The following STXBP5L variants were observed in gnomAD, a reference collection of about 807,000 sequenced individuals.
STXBP5L encodes the protein syntaxin binding protein 5L.
STXBP5L carries 65 observed loss-of-function variants against 144.5 expected under a neutral mutation model. The ratio of observed to expected loss-of-function variants is 0.45; its 90% CI spans 0.37 to 0.55. The LOEUF is 0.55. STXBP5L is among the 20% of genes least tolerant of loss of function. STXBP5L has a pLI of 0.00. For missense variants in STXBP5L, 1,298 were observed against 1,405.5 expected, an observed-to-expected ratio of 0.92 and a Z score of 1.22; for synonymous variants, 505 against 469.6, an observed-to-expected ratio of 1.08 and a Z score of -0.97.
At chr3:121,069,303 T>C (rs1276132856) in intron 5 of STXBP5L, among the ~76,000 whole-genome samples, 1 of 152,216 alleles carries the variant, frequency 6.6e-6, no homozygotes, top group African/African-American at 2.4e-5. Context: ...TCCTGGAGAT[T>C]CATTCAAGTT....
At position 121,055,618 on chromosome 3, in the gene STXBP5L, C is replaced by G. The variant is rs1948400419; in HGVS notation, c.470+10083C>G. On this transcript the variant is annotated intron_variant, in intron 5 of 26. Transcript: ENST00000471454. Reference sequence around the variant, plus strand: ...CTCAAACTCCTGGGCTCAAGCAATCCTCCCGCCTCAGCCTCCTTAGTGCTG... The same window carrying G: ...CTCAAACTCCTGGGCTCAAGCAATCGTCCCGCCTCAGCCTCCTTAGTGCTG... 2.0e-5 allele frequency among the ~76,000 whole-genome samples: 3 copies of G among 152,070 alleles called. No homozygotes were observed. The South Asian group carries it at 6.2e-4, about 32-fold the overall frequency.
chr3:121,305,984 C>G (rs1284674283), intron 19 of STXBP5L, among the ~76,000 whole-genome samples: 2 of 151,990 alleles, frequency 1.3e-5, no homozygotes, highest in East Asian at 3.9e-4. Flanking sequence ...TAAATAACAG[C>G]AAACAATTTG....
rs137996664 is a variant in STXBP5L, at chr3:121,110,457, A to G, written c.471-4468A>G. On this transcript the variant is annotated intron_variant, in intron 5 of 26. Coordinates refer to ENST00000471454, the MANE Select transcript of STXBP5L (RefSeq NM_001308330.2). The stretch of plus-strand genomic sequence containing the variant: ...ATTCTCTCAGCATTTGCTTGTCTGA[A>G]AAGGATTTTATTTCTCCTTCACTTA... 1.2e-4 allele frequency among the ~76,000 whole-genome samples: 18 copies of G among 152,266 alleles called. No individual in the cohort carries two copies. In the East Asian group the frequency reaches 2.1e-3, roughly 18 times the overall value.
intron 5 of STXBP5L, among the ~76,000 whole-genome samples, chr3:121,046,070 A>T (rs533871114): frequency 6.6e-6 from 1 of 152,258 alleles, no homozygotes; most frequent in East Asian, 1.9e-4. Flanking sequence ...GGGTTTTAAC[A>T]TGAAGGACAT....
chr3:121,005,502 G>C lies in STXBP5L; in HGVS notation c.288-36198G>C, dbSNP rs184702186. 1.2e-4 allele frequency among the ~76,000 whole-genome samples: 18 copies of C among 152,236 alleles called. 1 individual carries two copies. The East Asian group carries it at 3.3e-3, about 28-fold the overall frequency. On this transcript the variant is annotated intron_variant, in intron 3 of 26. Coordinates refer to ENST00000471454, the MANE Select transcript of STXBP5L (RefSeq NM_001308330.2). ...TTTTGTTGATCTTTTCACAAAACCAGCTCCTGGATTCATTGATGTTTTGAA... is the reference window on the plus strand; with the variant it reads ...TTTTGTTGATCTTTTCACAAAACCACCTCCTGGATTCATTGATGTTTTGAA...
chr3:121,122,150 TTTGA>T (rs929698381), intron 7 of STXBP5L, among the ~76,000 whole-genome samples: 13 of 151,030 alleles, frequency 8.6e-5, no homozygotes, highest in African/African-American at 2.9e-4. Flanking sequence ...TCTTATTCAC[TTTGA>T]TTATTTCATA....
chr3:121,225,911 C>T (rs770873563), intron 11 of STXBP5L, among the ~76,000 whole-genome samples: 1 of 152,176 alleles, frequency 6.6e-6, no homozygotes, highest in African/African-American at 2.4e-5. Context: ...TATAAATTTT[C>T]CAACAGGGCC....
chr3:121,177,852 G>T (rs2046994709), intron 9 of STXBP5L, among the ~76,000 whole-genome samples: 1 of 152,178 alleles, frequency 6.6e-6, no homozygotes, highest in South Asian at 2.1e-4. Flanking sequence ...TTATTCATAA[G>T]AGCCAAAAGA....
chr3:121,068,900 C>A (rs1358285361), intron 5 of STXBP5L, among the ~76,000 whole-genome samples: 1 of 151,894 alleles, frequency 6.6e-6, no homozygotes, highest in African/African-American at 2.4e-5. Context: ...TTTTAAAATA[C>A]TTTTTTATTT....
chr3:121,331,053 A>G (rs764548781), intron 20 of STXBP5L, among the ~76,000 whole-genome samples: 2 of 152,194 alleles, frequency 1.3e-5, no homozygotes, highest in African/African-American at 4.8e-5. Flanking sequence ...GACCCAGAAG[A>G]GCAGCATTCA....
At chr3:121,365,103 A>G (rs1397910068) in intron 20 of STXBP5L, among the ~76,000 whole-genome samples, 1 of 151,888 alleles carries the variant, frequency 6.6e-6, no homozygotes, top group African/African-American at 2.4e-5. Context: ...TATTCCAGAA[A>G]TATATTCCAC....
intron 7 of STXBP5L, among the ~76,000 whole-genome samples, chr3:121,124,966 G>A (rs1348950448): frequency 2.6e-5 from 4 of 152,016 alleles, no homozygotes; most frequent in Non-Finnish European, 5.9e-5. Context: ...ATTATGAATA[G>A]TGTCAAATTT....
At chr3:121,109,105 T>C (rs1576981804) in intron 5 of STXBP5L, among the ~76,000 whole-genome samples, 2 of 152,188 alleles carry the variant, frequency 1.3e-5, no homozygotes. Flanking sequence ...CCCTTTATCA[T>C]TTTTTATTGT....
chr3:121,000,045 G>T lies in STXBP5L; in HGVS notation c.288-41655G>T, dbSNP rs367790066. 5.9e-5 allele frequency among the ~76,000 whole-genome samples: 9 copies of T among 151,998 alleles called. No individual in the cohort carries two copies. The East Asian group carries it at 1.2e-3, about 20-fold the overall frequency. On this transcript the variant is annotated intron_variant, in intron 3 of 26. Transcript: ENST00000471454. The stretch of plus-strand genomic sequence containing the variant: ...TCTCTCTAGCTGTCTTTAATATTTT[G>T]TCCTTCACATTGAGCTTGGGGAATC...
intron 19 of STXBP5L, among the ~76,000 whole-genome samples, chr3:121,289,978 T>C (rs2051367610): frequency 6.6e-6 from 1 of 151,594 alleles, no homozygotes; most frequent in South Asian, 2.1e-4. Context: ...AAATAGACAA[T>C]CTAAGGTCAC....
chr3:120,934,633 G>A (rs919909980), intron 2 of STXBP5L, among the ~76,000 whole-genome samples: 2 of 151,966 alleles, frequency 1.3e-5, no homozygotes, highest in Admixed American at 1.3e-4. Context: ...ATTTCTCCTT[G>A]TACTTCTATT....
intron 5 of STXBP5L, among the ~76,000 whole-genome samples, chr3:121,067,699 AG>A (rs1449019792): frequency 6.6e-5 from 10 of 152,158 alleles, no homozygotes; most frequent in Non-Finnish European, 1.5e-4. Flanking sequence ...ATATTAAGAG[AG>A]GACCGTTAAA....
intron 5 of STXBP5L, among the ~76,000 whole-genome samples, chr3:121,105,140 A>G (rs1424645521): frequency 8.5e-5 from 13 of 152,126 alleles, no homozygotes; most frequent in Admixed American, 8.5e-4. Flanking sequence ...GCTCATGCCT[A>G]TAATCACAGC....
At chr3:121,010,119 T>C (rs1944659216) in intron 3 of STXBP5L, among the ~76,000 whole-genome samples, 1 of 151,880 alleles carries the variant, frequency 6.6e-6, no homozygotes, top group African/African-American at 2.4e-5. Context: ...TCAGACCTAT[T>C]AATTAATTGG....
Sources: gnomAD v4.1 joint callset for allele counts (sites outside exome capture counted in the v4.1 genomes callset) on GRCh38, gnomAD v4.1.1 for gene constraint, MANE v1.5 for transcripts, NCBI Gene and HGNC (gene_info 2026-07-23, HGNC 2026-07-21) for gene names.